Variants in ERICH5 observed in about 807,000 individuals in gnomAD.
ERICH5 encodes glutamate-rich protein 5.
A neutral mutation model predicts 28.0 loss-of-function variants in ERICH5; 24 were observed. The ratio of observed to expected loss-of-function variants is 0.86; its 90% CI spans 0.62 to 1.21. ERICH5 has a LOEUF of 1.21. Among genes scored for constraint, ERICH5 ranks in the 50% most tolerant of loss-of-function variants. The pLI, the probability that ERICH5 is intolerant of heterozygous loss-of-function variation, is 0.00. For missense variants in ERICH5, 421 were observed against 441.2 expected (o/e 0.95, Z 0.41); for synonymous variants, 163 against 157.6 (o/e 1.03, Z -0.25).
chr8:98,073,403 CCTCTCTCT>C (rs372150799), intron 1 of ERICH5, among the ~76,000 whole-genome samples: 3 of 26,842 alleles, frequency 1.1e-4, no homozygotes, highest in Admixed American at 5.0e-4. Flanking sequence ...ATAGTGAGAC[CCTCTCTCT>C]CTCTCTCTCT....
intron 1 of ERICH5, among the ~76,000 whole-genome samples, chr8:98,079,152 TCTTTTTTTTTTTC>T (rs1299994839): frequency 2.3e-4 from 14 of 60,462 alleles, no homozygotes; most frequent in Non-Finnish European, 4.4e-4. Context: ...CACATTTTCC[TCTTTTTTTTTTTC>T]CTTTTTTTTT....
intron 1 of ERICH5, among the ~76,000 whole-genome samples, chr8:98,080,667 C>T (rs1306879052): frequency 6.6e-6 from 1 of 150,468 alleles, no homozygotes; most frequent in Non-Finnish European, 1.5e-5. Flanking sequence ...TCCTCCTTCT[C>T]CTTCTCCTTC....
intron 1 of ERICH5, among the ~76,000 whole-genome samples, chr8:98,086,952 A>G (rs1385071298): frequency 1.4e-5 from 2 of 147,912 alleles, no homozygotes; most frequent in African/African-American, 2.4e-5. Context: ...CTCCGTCTCA[A>G]AAAAAAAAAA....
At chr8:98,077,774 TG>T (rs1815086038) in intron 1 of ERICH5, among the ~76,000 whole-genome samples, 1 of 152,176 alleles carries the variant, frequency 6.6e-6, no homozygotes, top group Admixed American at 6.6e-5. Context: ...CTCACTATGT[TG>T]CCCAGGCTCA....
chr8:98,079,488 A>G (rs1815131950), intron 1 of ERICH5, among the ~76,000 whole-genome samples: 1 of 152,174 alleles, frequency 6.6e-6, no homozygotes, highest in Admixed American at 6.5e-5. Flanking sequence ...GCCTTTATTA[A>G]CACCAATCAA....
intron 1 of ERICH5, among the ~76,000 whole-genome samples, chr8:98,081,193 CCTCCT>C (rs1815178508): frequency 6.6e-6 from 1 of 151,932 alleles, no homozygotes; most frequent in Admixed American, 6.6e-5. Context: ...GTGATCTGAA[CCTCCT>C]GGGCTCAAGC....
chr8:98,069,904 A>G (rs953531129), intron 1 of ERICH5, among the ~76,000 whole-genome samples: 8 of 152,258 alleles, frequency 5.3e-5, no homozygotes, highest in African/African-American at 1.9e-4. Flanking sequence ...CACATGGGAC[A>G]GAAGTCAGGA....
chr8:98,089,191 C>T lies in ERICH5; in HGVS notation c.174C>T (p.Ser58=). Reference sequence around the variant, plus strand: ...TTGATGGCAATGTACAAAGGGAAAGCCGTCCTCCCTTACAAAAGCTCAAGG... The same window carrying T: ...TTGATGGCAATGTACAAAGGGAAAGTCGTCCTCCCTTACAAAAGCTCAAGG... The part of the protein sequence containing the change: ...STVDGNVQRE[S]RPPLQKLKVS... The change falls in exon 2 of 3, where the codon AGC becomes AGT. Residue 58 remains serine, a synonymous_variant. Transcript: ENST00000318528. The T allele has an allele frequency of 6.2e-7, 1 of 1,614,208 alleles. No homozygotes were observed. Among genetic ancestry groups the T allele is most frequent in the South Asian group, 1.1e-5 (1 of 91,082 alleles).
In ERICH5 at chr8:98,064,659, C is replaced by T; in HGVS notation, c.-11C>T. On this transcript the variant is annotated 5_prime_UTR_variant, in exon 1 of 3. Transcript: ENST00000318528. ...CGCGCAGGGCTGAGACAGGTGTCTGCGCTCCCCGCAATGGGCTGCTCCAGC... is the reference window on the plus strand; with the variant it reads ...CGCGCAGGGCTGAGACAGGTGTCTGTGCTCCCCGCAATGGGCTGCTCCAGC... 1.3e-6 allele frequency: 2 copies of T among 1,526,020 alleles called. No individual in the cohort carries two copies. Among genetic ancestry groups the T allele is most frequent in the Non-Finnish European group, 1.8e-6 (2 of 1,135,272 alleles). The allele number at this position is 1,526,020 out of a possible 1,614,324, so 94.5% of individuals were successfully genotyped here. A position where few individuals can be genotyped will look rare whatever the true frequency, so the allele number is the denominator to read the frequency against.
intron 1 of ERICH5, among the ~76,000 whole-genome samples, chr8:98,078,450 A>G (rs1197623260): frequency 6.6e-6 from 1 of 152,218 alleles, no homozygotes; most frequent in Non-Finnish European, 1.5e-5. Flanking sequence ...AACCCAGCAG[A>G]CAGGCCAGTG....
rs866921152 is a variant in ERICH5, at chr8:98,073,488, A to G, written c.58+8761A>G. The stretch of plus-strand genomic sequence containing the variant: ...TATATATATATATATATATATATGT[A>G]TATATATATATATATATATATATAT... On this transcript the variant is annotated intron_variant, in intron 1 of 2. Transcript: ENST00000318528. 5.6e-3 allele frequency among the ~76,000 whole-genome samples: 14 copies of G among 2,502 alleles called. 4 individuals are homozygous for G. The highest frequency in any genetic ancestry group is 8.7e-3 in the Non-Finnish European group (13 of 1,494). The allele number at this position is 2,502 out of a possible 152,430, so 1.6% of individuals were successfully genotyped here.
At chr8:98,065,223 G>A (rs1814799631) in intron 1 of ERICH5, among the ~76,000 whole-genome samples, 1 of 152,118 alleles carries the variant, frequency 6.6e-6, no homozygotes, top group Non-Finnish European at 1.5e-5. Flanking sequence ...CCGCTCCCCC[G>A]TCTCTACTAA....
chr8:98,090,318 A>G lies in ERICH5; in HGVS notation c.1012+289A>G, dbSNP rs138153404. ...ATGTGAAACTTTCTGAATTTTTCCA[A>G]GTTGACACTTCATCAGGCCCCATGT... On this transcript the variant is annotated intron_variant, in intron 2 of 2. Coordinates refer to ENST00000318528, the MANE Select transcript of ERICH5 (RefSeq NM_173549.3). 2.2e-4 allele frequency among the ~76,000 whole-genome samples: 34 copies of G among 152,360 alleles called. 1 individual carries two copies. In the East Asian group the frequency reaches 4.0e-3, roughly 18 times the overall value.
In ERICH5 at chr8:98,089,982, A is replaced by G; in HGVS notation, c.965A>G (p.Glu322Gly). 6.2e-7 allele frequency: 1 copy of G among 1,613,992 alleles called. No individual in the cohort carries two copies. Among genetic ancestry groups the G allele is most frequent in the Non-Finnish European group, 8.5e-7 (1 of 1,180,002 alleles). Residue 322 changes from glutamate to glycine, a missense_variant, in exon 2 of 3, where the codon GAA (glutamate) becomes GGA (glycine). Physicochemically the swap from Glu to Gly is moderately conservative, Grantham distance 98. Transcript: ENST00000318528. ...AATGTAGAGGCAGGAGCATATGTGG[A>G]AATGATCAGGAACATCCATACTAAT... ...ARNVEAGAYVEMIRNIHTNEE... is the reference protein window; with the variant it reads ...ARNVEAGAYVGMIRNIHTNEE...
At position 98,068,573 on chromosome 8, in the gene ERICH5, C is replaced by T. The variant is rs116085465; in HGVS notation, c.58+3846C>T. ...TGTTGTTTTGAGTGTCCTGAGGATC[C>T]GATGCAATCTGAACACAAAGGTTTT... On this transcript the variant is annotated intron_variant, in intron 1 of 2. Coordinates refer to ENST00000318528, the MANE Select transcript of ERICH5 (RefSeq NM_173549.3). 8.6e-3 allele frequency among the ~76,000 whole-genome samples: 1,313 copies of T among 152,190 alleles called. 18 individuals carry two copies. Among genetic ancestry groups the T allele is most frequent in the African/African-American group, 0.027 (1,107 of 41,508 alleles).
chr8:98,086,989 G>T (rs920994545), intron 1 of ERICH5, among the ~76,000 whole-genome samples: 2 of 151,730 alleles, frequency 1.3e-5, no homozygotes, highest in Non-Finnish European at 2.9e-5. Flanking sequence ...TGTGTAATTG[G>T]AGAGAGTGGC....
chr8:98,066,763 T>G (rs1220444716), intron 1 of ERICH5, among the ~76,000 whole-genome samples: 1 of 152,230 alleles, frequency 6.6e-6, no homozygotes, highest in Non-Finnish European at 1.5e-5. Context: ...AATACTCTCT[T>G]GTAATTAGAT....
chr8:98,077,704 A>G (rs1324361607), intron 1 of ERICH5, among the ~76,000 whole-genome samples: 1 of 151,956 alleles, frequency 6.6e-6, no homozygotes, highest in Admixed American at 6.6e-5. Flanking sequence ...CTAATTACTA[A>G]TTATGTTCTT....
intron 1 of ERICH5, among the ~76,000 whole-genome samples, chr8:98,070,688 G>GA (rs1814900518): frequency 9.7e-6 from 1 of 102,924 alleles, no homozygotes; most frequent in Non-Finnish European, 2.2e-5. Flanking sequence ...AAAAAGAAAA[G>GA]AAAAGAAAAA....
Sources: allele counts gnomAD v4.1 joint callset (sites outside exome capture counted in the v4.1 genomes callset), GRCh38; gene constraint gnomAD v4.1.1; transcripts MANE v1.5; gene names NCBI Gene and HGNC (gene_info 2026-07-23, HGNC 2026-07-21).